CD28: variants seen among roughly 807,000 people sequenced by gnomAD.
CD28 encodes T-cell-specific surface glycoprotein CD28.
CD28 carries 8 observed loss-of-function variants against 21.4 expected under a neutral mutation model. The ratio of observed to expected loss-of-function variants is 0.37; its 90% confidence interval spans 0.22 to 0.68. The LOEUF (loss-of-function observed/expected upper bound fraction) is 0.68, where lower values mean the gene tolerates loss of function less well. CD28 is among the 30% of genes least tolerant of loss of function. The probability of loss-of-function intolerance (pLI) is 0.55; values close to 1 mark genes in which losing one functional copy is unlikely to be tolerated. For synonymous variants in CD28, 106 were observed against 104.0 expected (o/e 1.02, Z -0.12); for missense variants, 239 against 272.2 (o/e 0.88, Z 0.86).
chr2:203,719,344 T>C lies in CD28; in HGVS notation c.53-7289T>C, dbSNP rs75261316. ...AGTGTGGTTTTTTGCAGGATAAGAC[T>C]CTAATAAAATAGTGGGGAAAATGAA... On this transcript the variant is annotated intron_variant, in intron 1 of 3. Coordinates refer to ENST00000324106, the MANE Select transcript of CD28 (RefSeq NM_006139.4). Among the ~76,000 whole-genome samples, 1,495 of 152,292 alleles carry C rather than the reference T, an allele frequency of 9.8e-3. 27 individuals carry two copies. Among genetic ancestry groups the C allele is most frequent in the Admixed American group, 0.039 (601 of 15,306 alleles).
chr2:203,734,052 C>T (rs960765038), intron 3 of CD28, among the ~76,000 whole-genome samples: 2 of 152,184 alleles, frequency 1.3e-5, no homozygotes, highest in Admixed American at 6.5e-5. Context: ...AATCTGATGG[C>T]TTTCTGTTTT....
chr2:203,734,205 G>C (rs972849733), intron 3 of CD28, among the ~76,000 whole-genome samples: 1 of 152,118 alleles, frequency 6.6e-6, no homozygotes, highest in Non-Finnish European at 1.5e-5. Context: ...CTCACTTCTG[G>C]TGGAAATTCA....
At chr2:203,723,153 AT>A (rs1693648915) in intron 1 of CD28, among the ~76,000 whole-genome samples, 1 of 152,240 alleles carries the variant, frequency 6.6e-6, no homozygotes, top group African/African-American at 2.4e-5. Context: ...GAATATTAGA[AT>A]CAAGTGGGGG....
intron 1 of CD28, among the ~76,000 whole-genome samples, chr2:203,716,400 CT>C (rs1693463693): frequency 6.6e-6 from 1 of 152,294 alleles, no homozygotes; most frequent in Non-Finnish European, 1.5e-5. Flanking sequence ...GTGTACCTGC[CT>C]TCGGATTTCT....
chr2:203,710,316 T>G (rs1693278158), intron 1 of CD28, among the ~76,000 whole-genome samples: 1 of 152,248 alleles, frequency 6.6e-6, no homozygotes, highest in Non-Finnish European at 1.5e-5. Context: ...GTTAACACAT[T>G]GTGTTTTTTA....
At chr2:203,709,386 GTTC>G (rs1321831032) in intron 1 of CD28, among the ~76,000 whole-genome samples, 1 of 152,094 alleles carries the variant, frequency 6.6e-6, no homozygotes, top group African/African-American at 2.4e-5. Flanking sequence ...ATGAAGAATA[GTTC>G]TTTTTTCCAT....
chr2:203,719,326 T>G (rs955773138), intron 1 of CD28, among the ~76,000 whole-genome samples: 3 of 152,122 alleles, frequency 2.0e-5, no homozygotes, highest in African/African-American at 7.2e-5. Context: ...TTGAGTGTGG[T>G]TTTTTGCAGG....
intron 1 of CD28, among the ~76,000 whole-genome samples, chr2:203,715,723 C>T (rs917371074): frequency 4.4e-4 from 67 of 152,190 alleles, no homozygotes; most frequent in African/African-American, 1.6e-3. Context: ...GATCTTTCCT[C>T]CAGGATGAAC....
intron 1 of CD28, among the ~76,000 whole-genome samples, chr2:203,723,403 C>T (rs1375159020): frequency 6.6e-6 from 1 of 151,698 alleles, no homozygotes; most frequent in Non-Finnish European, 1.5e-5. Flanking sequence ...AGGAGGATTG[C>T]TTGATTCTGG....
chr2:203,712,796 G>C (rs1049491426), intron 1 of CD28, among the ~76,000 whole-genome samples: 1 of 152,154 alleles, frequency 6.6e-6, no homozygotes, highest in Non-Finnish European at 1.5e-5. Context: ...TTGAATGAAC[G>C]TTGTTATTAA....
chr2:203,726,528 C>A, intron 1 of CD28, 105 bp from the exon 2 acceptor site: 1 of 782,568 alleles, frequency 1.3e-6, no homozygotes, highest in African/African-American at 1.7e-5. Flanking sequence ...AAGAGAAAAC[C>A]TTTGCTGGAG....
At chr2:203,720,244 C>G (rs922094183) in intron 1 of CD28, among the ~76,000 whole-genome samples, 2 of 151,994 alleles carry the variant, frequency 1.3e-5, no homozygotes, top group African/African-American at 4.8e-5. Flanking sequence ...TTCCTGTCTC[C>G]ACACCTTTAG....
chr2:203,711,413 C>T (rs763442082), intron 1 of CD28, among the ~76,000 whole-genome samples: 2 of 152,218 alleles, frequency 1.3e-5, no homozygotes, highest in East Asian at 3.9e-4. Context: ...TATTTAGTCT[C>T]GTGTCACCAT....
intron 1 of CD28, among the ~76,000 whole-genome samples, chr2:203,716,900 C>T (rs1434864556): frequency 1.3e-5 from 2 of 152,000 alleles, no homozygotes; most frequent in Admixed American, 1.3e-4. Flanking sequence ...GTACAATCAC[C>T]ACTCACTGCA....
At position 203,735,156 on chromosome 2, in the gene CD28, C is replaced by A; in HGVS notation, c.*244C>A. 1 of 506,446 alleles carries A rather than the reference C, an allele frequency of 2.0e-6. No homozygotes were observed. 31.4% of individuals were successfully genotyped at this position (506,446 alleles called of 1,614,324 possible). On this transcript the variant is annotated 3_prime_UTR_variant, in exon 4 of 4. Coordinates refer to ENST00000324106, the MANE Select transcript of CD28 (RefSeq NM_006139.4). The stretch of plus-strand genomic sequence containing the variant: ...TGCCATGGCCCACATTCCAACTTAC[C>A]ATGTACTTAGTGACTTGACTGAGAA...
At chr2:203,708,634 G>A (rs978865400) in intron 1 of CD28, among the ~76,000 whole-genome samples, 1 of 152,188 alleles carries the variant, frequency 6.6e-6, no homozygotes, top group Admixed American at 6.5e-5. Flanking sequence ...TGGTTGGAGA[G>A]TTCACACACA....
chr2:203,723,491 A>T (rs974559341), intron 1 of CD28, among the ~76,000 whole-genome samples: 2 of 68,038 alleles, frequency 2.9e-5, no homozygotes, highest in African/African-American at 6.1e-5. Flanking sequence ...TGTAAAAATA[A>T]AAAAAAAAAA....
rs1270583370 is a variant in CD28 at position 203,727,045 on chromosome 2, C to T, written c.409+56C>T. The T allele has an allele frequency of 2.7e-6, 3 of 1,091,800 alleles. No homozygotes were observed. The African/African-American group carries it at 4.6e-5, about 17-fold the overall frequency. 67.6% of individuals were successfully genotyped at this position (1,091,800 alleles called of 1,614,324 possible). On this transcript the variant is annotated intron_variant, in intron 2 of 3. Transcript: ENST00000324106. ...TAAAGTAATGGTTTTCAAATGCAGTCCTGAAAACTGGGTTGTGGTCAGTGG... is the reference window on the plus strand; with the variant it reads ...TAAAGTAATGGTTTTCAAATGCAGTTCTGAAAACTGGGTTGTGGTCAGTGG...
intron 1 of CD28, among the ~76,000 whole-genome samples, chr2:203,725,339 A>C (rs1385507952): frequency 1.3e-5 from 2 of 151,910 alleles, no homozygotes. Context: ...TTGGTTGCAA[A>C]GTTGATTCCC....
Sources: gnomAD v4.1 joint callset for allele counts (sites outside exome capture counted in the v4.1 genomes callset) on GRCh38, gnomAD v4.1.1 for gene constraint, MANE v1.5 for transcripts, NCBI Gene and HGNC (gene_info 2026-07-23, HGNC 2026-07-21) for gene names.